Variants in SORCS1 observed in about 807,000 individuals in gnomAD.
SORCS1 encodes sortilin related VPS10 domain containing receptor 1.
SORCS1 carries 60 observed loss-of-function variants against 146.1 expected under a neutral mutation model. The observed-to-expected ratio is 0.41, with a 90% CI of 0.33 to 0.51. The LOEUF (loss-of-function observed/expected upper bound fraction) is 0.51, where lower values mean the gene tolerates loss of function less well. SORCS1 is among the 20% of genes least tolerant of loss of function. SORCS1 has a pLI of 0.21. For synonymous variants in SORCS1, 637 were observed against 584.0 expected, an observed-to-expected ratio of 1.09 and a Z score of -1.31; for missense variants, 1,352 against 1,487.6, an observed-to-expected ratio of 0.91 and a Z score of 1.50.
intron 1 of SORCS1, among the ~76,000 whole-genome samples, chr10:107,110,443 G>A (rs1965616539): frequency 6.6e-6 from 1 of 152,124 alleles, no homozygotes; most frequent in Middle Eastern, 3.2e-3. Flanking sequence ...CAATCATGGT[G>A]GAAGGCAAAG....
chr10:106,785,038 A>C (rs1589871158), intron 3 of SORCS1, among the ~76,000 whole-genome samples: 2 of 152,156 alleles, frequency 1.3e-5, no homozygotes, highest in African/African-American at 4.8e-5. Context: ...TTGTATCATC[A>C]TCCTAATGAA....
intron 3 of SORCS1, among the ~76,000 whole-genome samples, chr10:106,822,711 T>G (rs993949993): frequency 6.6e-6 from 1 of 151,724 alleles, no homozygotes; most frequent in Non-Finnish European, 1.5e-5. Context: ...AGTAAGGATT[T>G]ACTTACTACA....
chr10:107,178,011 G>GGCA, the SORCS1 span, among the ~76,000 whole-genome samples: 2 of 152,180 alleles, frequency 1.3e-5, no homozygotes, highest in East Asian at 3.9e-4. Context: ...GAGCATTGGG[G>GGCA]GTGGGAGGAA....
intron 2 of SORCS1, among the ~76,000 whole-genome samples, chr10:106,835,727 C>T (rs1046227705): frequency 3.3e-5 from 5 of 152,036 alleles, no homozygotes; most frequent in African/African-American, 1.2e-4. Context: ...TAACAGAAGC[C>T]GGGTGTGATG....
intron 1 of SORCS1, among the ~76,000 whole-genome samples, chr10:106,978,152 C>T (rs1956110568): frequency 6.6e-6 from 1 of 152,100 alleles, no homozygotes; most frequent in African/African-American, 2.4e-5. Context: ...ACCATGTTGG[C>T]CAGGCTAGTC....
intron 1 of SORCS1, among the ~76,000 whole-genome samples, chr10:107,044,375 CT>C (rs1959204680): frequency 2.0e-5 from 3 of 151,794 alleles, no homozygotes; most frequent in Admixed American, 1.3e-4. Context: ...CACACACATG[CT>C]TTCCCCCACA....
chr10:107,042,817 C>T (rs1959179845), intron 1 of SORCS1, among the ~76,000 whole-genome samples: 1 of 151,978 alleles, frequency 6.6e-6, no homozygotes, highest in Non-Finnish European at 1.5e-5. Flanking sequence ...ACCATGTTGG[C>T]CAGACTGGTC....
chr10:106,852,546 T>G (rs1949626943), intron 2 of SORCS1, among the ~76,000 whole-genome samples: 1 of 147,608 alleles, frequency 6.8e-6, no homozygotes, highest in Admixed American at 7.0e-5. Context: ...GAGAATCACT[T>G]GAACCTGGGA....
chr10:106,585,369 C>A (rs1447144924), intron 24 of SORCS1, among the ~76,000 whole-genome samples: 1 of 152,158 alleles, frequency 6.6e-6, no homozygotes, highest in Non-Finnish European at 1.5e-5. Context: ...ACTTCCAGTC[C>A]TGTCTTTAGG....
intron 1 of SORCS1, among the ~76,000 whole-genome samples, chr10:107,139,960 C>T (rs1336015703): frequency 6.6e-6 from 1 of 152,138 alleles, no homozygotes; most frequent in Non-Finnish European, 1.5e-5. Context: ...TTTGAAGTCA[C>T]CTGGCTAGCA....
At chr10:106,875,996 T>C (rs922728812) in intron 2 of SORCS1, among the ~76,000 whole-genome samples, 3 of 152,146 alleles carry the variant, frequency 2.0e-5, no homozygotes, top group Non-Finnish European at 2.9e-5. Context: ...CCTCAAAATA[T>C]AGTCATTTAT....
chr10:106,907,135 G>A (rs1951943140), intron 2 of SORCS1, among the ~76,000 whole-genome samples: 1 of 152,124 alleles, frequency 6.6e-6, no homozygotes, highest in South Asian at 2.1e-4. Context: ...CTGTGTACAT[G>A]GTTTTGCAGA....
chr10:107,152,411 C>T (rs1199947926), intron 1 of SORCS1, among the ~76,000 whole-genome samples: 1 of 152,172 alleles, frequency 6.6e-6, no homozygotes, highest in Non-Finnish European at 1.5e-5. Context: ...CTCCATACCC[C>T]AGAATGGTAG....
intron 22 of SORCS1, among the ~76,000 whole-genome samples, chr10:106,609,546 G>T (rs1278350611): frequency 6.6e-6 from 1 of 152,192 alleles, no homozygotes; most frequent in African/African-American, 2.4e-5. Flanking sequence ...TGATCTCAAA[G>T]TCAGTGCAAA....
rs1851273403 is a variant in SORCS1, at chr10:106,667,746, T to C, written c.2246A>G (p.Asn749Ser). 1.2e-6 allele frequency: 2 copies of C among 1,614,128 alleles called. No homozygotes were observed. The highest frequency in any genetic ancestry group is 1.3e-5 in the African/African-American group (1 of 75,046). ...GCAATCCTTTGACAGAGAGGATGGATTGAACCAAAATGCCGGCAGGCACTG... is the reference window on the plus strand; with the variant it reads ...GCAATCCTTTGACAGAGAGGATGGACTGAACCAAAATGCCGGCAGGCACTG... ...NGQCLPAFWF[N>S]PSSLSKDCSL... Residue 749 changes from asparagine (N) to serine (S), a missense_variant, in exon 17 of 26, where the codon AAT becomes AGT. By Grantham distance (46) the Asn-to-Ser change is conservative. This residue lies in a region of SORCS1 where 648 missense variants were observed against 793.8 expected (regional missense o/e 0.82). Coordinates refer to ENST00000263054, the MANE Select transcript of SORCS1 (RefSeq NM_052918.5).
At chr10:106,844,286 G>A (rs1949207337) in intron 2 of SORCS1, among the ~76,000 whole-genome samples, 1 of 151,954 alleles carries the variant, frequency 6.6e-6, no homozygotes, top group Non-Finnish European at 1.5e-5. Context: ...TGTGATGATT[G>A]TTTCTTTGCT....
chr10:106,764,642 T>C (rs1040871479), intron 4 of SORCS1, among the ~76,000 whole-genome samples: 5 of 149,106 alleles, frequency 3.4e-5, no homozygotes, highest in Non-Finnish European at 5.9e-5. Flanking sequence ...TAGAGAAAGA[T>C]AGAAAGATTA....
chr10:106,653,110 A>G (rs1263998876), intron 17 of SORCS1, among the ~76,000 whole-genome samples: 1 of 152,252 alleles, frequency 6.6e-6, no homozygotes, highest in Non-Finnish European at 1.5e-5. Context: ...TATACTGGCT[A>G]AATGATCAAA....
At chr10:106,976,354 C>T (rs1444929205) in intron 1 of SORCS1, among the ~76,000 whole-genome samples, 3 of 12,982 alleles carry the variant, frequency 2.3e-4, no homozygotes, top group South Asian at 1.3e-3. Context: ...TTTTTTGAGA[C>T]GGAGTCTCGC....
Sources: allele counts gnomAD v4.1 joint callset (sites outside exome capture counted in the v4.1 genomes callset), GRCh38; gene constraint gnomAD v4.1.1; regional missense constraint gnomAD v4.1.1; transcripts MANE v1.5; gene names NCBI Gene and HGNC (gene_info 2026-07-23, HGNC 2026-07-21).